Variants in GPC5 observed in about 807,000 individuals in gnomAD.
GPC5 encodes glypican-5.
Under a neutral mutation model 53.9 loss-of-function variants are expected in GPC5, and 47 were observed. The ratio of observed to expected loss-of-function variants is 0.87; its 90% confidence interval spans 0.69 to 1.11. The LOEUF (loss-of-function observed/expected upper bound fraction) is 1.11, where lower values mean the gene tolerates loss of function less well. GPC5 is among the 50% of genes most tolerant of loss of function. The pLI is 0.00. For missense variants in GPC5, 748 were observed against 713.1 expected, an observed-to-expected ratio of 1.05 and a Z score of -0.56; for synonymous variants, 286 against 263.3, an observed-to-expected ratio of 1.09 and a Z score of -0.84.
chr13:92,556,836 C>T (rs1222673601), intron 7 of GPC5, among the ~76,000 whole-genome samples: 1 of 151,790 alleles, frequency 6.6e-6, no homozygotes, highest in Non-Finnish European at 1.5e-5. Flanking sequence ...TGAAATGTCA[C>T]CTGTACAATT....
chr13:92,526,840 G>A (rs1881301228), intron 7 of GPC5, among the ~76,000 whole-genome samples: 1 of 151,564 alleles, frequency 6.6e-6, no homozygotes, highest in Non-Finnish European at 1.5e-5. Flanking sequence ...TAAATATAAT[G>A]GAAATCTAGG....
chr13:92,404,050 C>T (rs1039309777), intron 7 of GPC5, among the ~76,000 whole-genome samples: 2 of 152,072 alleles, frequency 1.3e-5, no homozygotes, highest in African/African-American at 4.8e-5. Context: ...ATTCATTTAA[C>T]TGCATTATGA....
rs182151326 is a variant in GPC5, at chr13:92,225,315, T to C, written c.1561+80326T>C. 1.8e-4 allele frequency among the ~76,000 whole-genome samples: 28 copies of C among 152,320 alleles called. No homozygotes were observed. In the East Asian group the frequency reaches 5.0e-3, roughly 27 times the overall value. Reference sequence around the variant, plus strand: ...TTTTAAGCTATTTGAATGTGTAGAATTGTTTTATTGTTTTTGTGCCACCCA... The same window carrying C: ...TTTTAAGCTATTTGAATGTGTAGAACTGTTTTATTGTTTTTGTGCCACCCA... On this transcript the variant is annotated intron_variant, in intron 7 of 7. Coordinates refer to ENST00000377067, the MANE Select transcript of GPC5 (RefSeq NM_004466.6).
chr13:92,033,420 C>G (rs2138811881), intron 6 of GPC5, among the ~76,000 whole-genome samples: 1 of 152,196 alleles, frequency 6.6e-6, no homozygotes, highest in East Asian at 1.9e-4. Context: ...TCTCATTAGA[C>G]CTTGCTCTTC....
At chr13:92,065,431 T>C (rs2041160286) in intron 6 of GPC5, among the ~76,000 whole-genome samples, 1 of 152,176 alleles carries the variant, frequency 6.6e-6, no homozygotes, top group East Asian at 1.9e-4. Flanking sequence ...AAATAATTGG[T>C]TTTTTAAAAA....
intron 5 of GPC5, among the ~76,000 whole-genome samples, chr13:91,891,631 C>T (rs1345458498): frequency 1.3e-5 from 2 of 152,088 alleles, no homozygotes; most frequent in Non-Finnish European, 2.9e-5. Context: ...AATTGCTATA[C>T]ACTACCAAAA....
At chr13:91,410,906 C>T (rs1005583366) in intron 1 of GPC5, among the ~76,000 whole-genome samples, 2 of 151,970 alleles carry the variant, frequency 1.3e-5, no homozygotes, top group Non-Finnish European at 2.9e-5. Context: ...GTCAAGAGAT[C>T]GAGACCATCC....
At chr13:91,961,932 T>C (rs969378928) in intron 6 of GPC5, among the ~76,000 whole-genome samples, 1 of 152,106 alleles carries the variant, frequency 6.6e-6, no homozygotes, top group South Asian at 2.1e-4. Context: ...ACTTCTCATT[T>C]TGGGAAAATG....
At chr13:92,661,337 A>C (rs991645198) in intron 7 of GPC5, among the ~76,000 whole-genome samples, 4 of 120,608 alleles carry the variant, frequency 3.3e-5, no homozygotes, top group South Asian at 2.6e-4. Flanking sequence ...GAGAAATTTG[A>C]AAAAAAAAAA....
At chr13:91,438,106 C>T (rs1057045594) in intron 1 of GPC5, among the ~76,000 whole-genome samples, 4 of 152,008 alleles carry the variant, frequency 2.6e-5, no homozygotes, top group East Asian at 1.9e-4. Flanking sequence ...GCCATGGGTT[C>T]GAACTTCCTC....
At chr13:91,712,592 A>G (rs780828333) in intron 3 of GPC5, among the ~76,000 whole-genome samples, 10 of 152,172 alleles carry the variant, frequency 6.6e-5, no homozygotes, top group Non-Finnish European at 1.3e-4. Context: ...TCTCTGATAG[A>G]GTGTCCTTCA....
chr13:91,535,151 A>C (rs1357344456), intron 2 of GPC5, among the ~76,000 whole-genome samples: 1 of 151,722 alleles, frequency 6.6e-6, no homozygotes, highest in African/African-American at 2.4e-5. Context: ...TACATGTGCT[A>C]TTTTCTCAGT....
At chr13:92,778,781 TTCTA>T (rs1455494585) in intron 7 of GPC5, among the ~76,000 whole-genome samples, 10 of 152,198 alleles carry the variant, frequency 6.6e-5, no homozygotes, top group South Asian at 2.1e-4. Context: ...TAGATAGTTC[TTCTA>T]TCTGTCTGCA....
At chr13:91,556,012 G>A (rs549308220) in intron 2 of GPC5, among the ~76,000 whole-genome samples, 1 of 151,964 alleles carries the variant, frequency 6.6e-6, no homozygotes, top group African/African-American at 2.4e-5. Flanking sequence ...GGAACACCAA[G>A]GTGTAGAATG....
chr13:91,498,634 T>C (rs368224983), intron 2 of GPC5, among the ~76,000 whole-genome samples: 25 of 152,212 alleles, frequency 1.6e-4, no homozygotes, highest in African/African-American at 5.8e-4. Flanking sequence ...ATTTGTGTTT[T>C]TAAAAAGATA....
Position 92,312,236 on chromosome 13 carries a change from T to C in GPC5, c.1561+167247T>C, listed in dbSNP as rs1265062975. On this transcript the variant is annotated intron_variant, in intron 7 of 7. Transcript: ENST00000377067. Reference sequence around the variant, plus strand: ...TTCTTCAACTCCTCTTTCTAGAACATCTCCAGTTTCTTTTCACTTTTCTCT... The same window carrying C: ...TTCTTCAACTCCTCTTTCTAGAACACCTCCAGTTTCTTTTCACTTTTCTCT... 2.0e-5 allele frequency among the ~76,000 whole-genome samples: 3 copies of C among 152,142 alleles called. No homozygotes were observed. The East Asian group carries it at 5.8e-4, about 29-fold the overall frequency.
intron 6 of GPC5, among the ~76,000 whole-genome samples, chr13:92,051,244 CAGGCTGG>C (rs2041026179): frequency 7.2e-6 from 1 of 139,434 alleles, no homozygotes; most frequent in Non-Finnish European, 1.5e-5. Context: ...GCTCTGTCAC[CAGGCTGG>C]AGTGCAGTGG....
chr13:91,689,201 A>G (rs187779085), intron 2 of GPC5, among the ~76,000 whole-genome samples: 2 of 108,862 alleles, frequency 1.8e-5, no homozygotes, highest in Non-Finnish European at 3.6e-5. Context: ...ATATATATAT[A>G]TATATATATA....
chr13:92,308,243 G>C (rs1288283101), intron 7 of GPC5, among the ~76,000 whole-genome samples: 2 of 152,070 alleles, frequency 1.3e-5, no homozygotes, highest in African/African-American at 4.8e-5. Context: ...AACTCATAGG[G>C]TTTGTCAGAG....
Sources: gnomAD v4.1 joint callset for allele counts (sites outside exome capture counted in the v4.1 genomes callset) on GRCh38, gnomAD v4.1.1 for gene constraint, MANE v1.5 for transcripts, NCBI Gene and HGNC (gene_info 2026-07-23, HGNC 2026-07-21) for gene names.